Variants in KMT2E observed in about 807,000 individuals in gnomAD.
KMT2E encodes the protein lysine methyltransferase 2E (inactive).
In KMT2E, 30 loss-of-function variants were observed where a neutral mutation model predicts 184.6. The ratio of observed to expected loss-of-function variants is 0.16; its 90% CI spans 0.12 to 0.22. The LOEUF is 0.22. Ranked by LOEUF, KMT2E falls within the 10% of genes least tolerant of loss-of-function variation. KMT2E has a pLI of 1.00. For missense variants in KMT2E, 2,023 were observed against 2,237.4 expected, an observed-to-expected ratio of 0.90 and a Z score of 1.93; for synonymous variants, 815 against 776.5, an observed-to-expected ratio of 1.05 and a Z score of -0.82.
At chr7:105,016,066 A>G (rs552030245) in intron 1 of KMT2E, among the ~76,000 whole-genome samples, 1 of 152,326 alleles carries the variant, frequency 6.6e-6, no homozygotes, top group Admixed American at 6.5e-5. Flanking sequence ...AATGTTTAGT[A>G]ACTGTATAAG....
chr7:105,099,235 T>C (rs1363685163), intron 15 of KMT2E, among the ~76,000 whole-genome samples: 1 of 152,196 alleles, frequency 6.6e-6, no homozygotes, highest in Non-Finnish European at 1.5e-5. Context: ...TACCCAGCTG[T>C]AGTAATGTAG....
chr7:105,058,268 G>C (rs1437963358), intron 3 of KMT2E, among the ~76,000 whole-genome samples: 1 of 151,890 alleles, frequency 6.6e-6, no homozygotes, highest in Non-Finnish European at 1.5e-5. Context: ...TTATAGGTGG[G>C]ACTGTGTGCT....
rs750178770 is a variant in KMT2E, at chr7:105,090,270, T to C, written c.1620T>C (p.Asn540=). 103 of 1,587,072 alleles carry C rather than the reference T, an allele frequency of 6.5e-5. No homozygotes were observed. The highest frequency in any genetic ancestry group is 3.4e-6 in the Non-Finnish European group (4 of 1,171,884). ...LSPLRLSVSN[N]QEPDFIDDIE... Reference sequence around the variant, plus strand: ...CACTGAGACTATCAGTATCAAATAATCAGGTACTGAACTCTGCTCTCAATG... The same window carrying C: ...CACTGAGACTATCAGTATCAAATAACCAGGTACTGAACTCTGCTCTCAATG... Residue 540 remains asparagine, a synonymous_variant, in exon 14 of 27, where the codon AAT becomes AAC. Coordinates refer to ENST00000311117, the MANE Select transcript of KMT2E (RefSeq NM_182931.3).
At chr7:105,097,772 T>C (rs1271485583) in intron 15 of KMT2E, among the ~76,000 whole-genome samples, 1 of 152,176 alleles carries the variant, frequency 6.6e-6, no homozygotes, top group Non-Finnish European at 1.5e-5. Flanking sequence ...ATTTCCAAAA[T>C]TGTTGAAATG....
intron 6 of KMT2E, among the ~76,000 whole-genome samples, chr7:105,068,840 CT>C (rs1183127619): frequency 6.6e-6 from 1 of 151,966 alleles, no homozygotes; most frequent in Non-Finnish European, 1.5e-5. Context: ...TGGATAAATG[CT>C]TGTTGAATCT....
chr7:105,064,826 T>C (rs1460701332), intron 5 of KMT2E, among the ~76,000 whole-genome samples: 1 of 152,152 alleles, frequency 6.6e-6, no homozygotes, highest in East Asian at 1.9e-4. Context: ...CAAATCATAT[T>C]GTAGCCAGTC....
chr7:105,055,259 C>T (rs1326487582), intron 3 of KMT2E, among the ~76,000 whole-genome samples: 8 of 138,938 alleles, frequency 5.8e-5, no homozygotes, highest in Admixed American at 1.5e-4. Flanking sequence ...CACTATATTG[C>T]CCAGGCTGGA....
At chr7:105,072,659 T>C (rs1797370483) in intron 6 of KMT2E, among the ~76,000 whole-genome samples, 1 of 152,202 alleles carries the variant, frequency 6.6e-6, no homozygotes, top group Non-Finnish European at 1.5e-5. Flanking sequence ...CTCATGCCTA[T>C]AATCCCAGCA....
At chr7:105,068,646 T>TG (rs1797151767) in intron 6 of KMT2E, among the ~76,000 whole-genome samples, 1 of 143,252 alleles carries the variant, frequency 7.0e-6, no homozygotes, top group African/African-American at 2.7e-5. Context: ...TTTGTTTTTT[T>TG]TTTTTTTTTG....
At chr7:105,034,399 A>G (rs892038760) in intron 1 of KMT2E, among the ~76,000 whole-genome samples, 6 of 151,874 alleles carry the variant, frequency 4.0e-5, no homozygotes, top group Non-Finnish European at 8.8e-5. Flanking sequence ...TGCCCAGCTA[A>G]TTTTTTTATT....
At chr7:105,072,013 A>G (rs773900068) in intron 6 of KMT2E, among the ~76,000 whole-genome samples, 1 of 152,034 alleles carries the variant, frequency 6.6e-6, no homozygotes, top group Non-Finnish European at 1.5e-5. Flanking sequence ...AAGTTGGTTA[A>G]AAAGTTACCA....
chr7:105,058,853 T>A (rs1418457605), intron 3 of KMT2E, among the ~76,000 whole-genome samples: 1 of 152,182 alleles, frequency 6.6e-6, no homozygotes, highest in Non-Finnish European at 1.5e-5. Flanking sequence ...AAATTTCCCA[T>A]GGATAAAGAG....
intron 13 of KMT2E, among the ~76,000 whole-genome samples, chr7:105,084,153 G>A (rs1430781493): frequency 6.6e-6 from 1 of 152,110 alleles, no homozygotes; most frequent in Non-Finnish European, 1.5e-5. Flanking sequence ...TTTTTACAAT[G>A]GTACTTATGC....
intron 15 of KMT2E, among the ~76,000 whole-genome samples, chr7:105,100,226 A>G (rs1276730900): frequency 6.6e-6 from 1 of 152,228 alleles, no homozygotes. Flanking sequence ...TTATTAGAGT[A>G]CTTTTGTTGA....
chr7:105,091,074 C>T, intron 14 of KMT2E, 142 bp from the exon 15 acceptor site: 1 of 496,690 alleles, frequency 2.0e-6, no homozygotes, highest in Non-Finnish European at 3.6e-6. Context: ...ATTAGGAAAC[C>T]AGTTTTAAAT....
At chr7:105,050,433 G>C (rs941903255) in intron 3 of KMT2E, among the ~76,000 whole-genome samples, 7 of 151,996 alleles carry the variant, frequency 4.6e-5, no homozygotes, top group African/African-American at 1.7e-4. Context: ...TTGGTTTTTA[G>C]GTTATTACCT....
intron 26 of KMT2E, among the ~76,000 whole-genome samples, chr7:105,111,512 T>G (rs1402828316): frequency 6.6e-6 from 1 of 151,998 alleles, no homozygotes; most frequent in Non-Finnish European, 1.5e-5. Context: ...TTCTTCAGAG[T>G]GAGGCTCAAA....
chr7:105,064,127 G>T, intron 5 of KMT2E: 1 of 310,760 alleles, frequency 3.2e-6, no homozygotes. Context: ...GTGTGATTGG[G>T]ACAGAAAGTG....
chr7:105,072,579 C>T (rs1562907369), intron 6 of KMT2E, among the ~76,000 whole-genome samples: 1 of 152,072 alleles, frequency 6.6e-6, no homozygotes, highest in Non-Finnish European at 1.5e-5. Flanking sequence ...AAAAGAATTA[C>T]TATGGATGAT....
Sources: allele counts gnomAD v4.1 joint callset (sites outside exome capture counted in the v4.1 genomes callset), GRCh38; gene constraint gnomAD v4.1.1; transcripts MANE v1.5; gene names NCBI Gene and HGNC (gene_info 2026-07-23, HGNC 2026-07-21).